Variants in ADGRL3 observed in about 807,000 individuals in gnomAD.
ADGRL3 encodes the protein calcium-independent alpha-latrotoxin receptor 3.
In ADGRL3, 62 loss-of-function variants were observed where a neutral mutation model predicts 153.5. That is an observed-to-expected ratio of 0.40 (90% CI 0.33 to 0.50). The LOEUF is 0.50. Among genes scored for constraint, ADGRL3 ranks in the 20% least tolerant of loss-of-function variants. The probability of loss-of-function intolerance (pLI) is 0.47; values close to 1 mark genes in which losing one functional copy is unlikely to be tolerated. For missense variants in ADGRL3, 1,641 were observed against 1,859.4 expected (o/e 0.88, Z 2.16); for synonymous variants, 710 against 672.5 (o/e 1.06, Z -0.86).
chr4:61,444,965 T>A (rs1425680544), intron 2 of ADGRL3, among the ~76,000 whole-genome samples: 1 of 151,828 alleles, frequency 6.6e-6, no homozygotes, highest in East Asian at 1.9e-4. Context: ...GGTGGAAGGA[T>A]CGCTTGAGCC....
At chr4:61,219,851 T>C (rs1744580204) in intron 1 of ADGRL3, among the ~76,000 whole-genome samples, 1 of 152,140 alleles carries the variant, frequency 6.6e-6, no homozygotes, top group South Asian at 2.1e-4. Context: ...CTCACGCCTG[T>C]AATCACAGCA....
intron 6 of ADGRL3, among the ~76,000 whole-genome samples, chr4:61,721,118 C>A (rs2096235479): frequency 6.6e-6 from 1 of 152,098 alleles, no homozygotes; most frequent in African/African-American, 2.4e-5. Context: ...GATTACAAAT[C>A]TTTCTTAGCA....
At chr4:61,608,505 A>G (rs2099041436) in intron 5 of ADGRL3, among the ~76,000 whole-genome samples, 1 of 152,208 alleles carries the variant, frequency 6.6e-6, no homozygotes, top group Non-Finnish European at 1.5e-5. Context: ...AAAAAAAAGC[A>G]ATTTGCAAAC....
chr4:61,986,012 C>T (rs2099084392), intron 19 of ADGRL3, among the ~76,000 whole-genome samples: 1 of 149,484 alleles, frequency 6.7e-6, no homozygotes, highest in Non-Finnish European at 1.5e-5. Context: ...TAAATAACAT[C>T]TTTGATATAT....
At chr4:61,428,840 T>C (rs1431343468) in intron 2 of ADGRL3, among the ~76,000 whole-genome samples, 1 of 113,832 alleles carries the variant, frequency 8.8e-6, no homozygotes, top group African/African-American at 3.4e-5. Context: ...TTTATCTATC[T>C]ATCTATCTAT....
At chr4:61,263,358 A>C (rs556069475) in intron 1 of ADGRL3, among the ~76,000 whole-genome samples, 5 of 151,780 alleles carry the variant, frequency 3.3e-5, no homozygotes, top group Admixed American at 6.6e-5. Context: ...ATATTAGGCT[A>C]TTCCTAATGG....
At chr4:62,021,155 A>C (rs2099236357) in intron 21 of ADGRL3, among the ~76,000 whole-genome samples, 1 of 152,126 alleles carries the variant, frequency 6.6e-6, no homozygotes, top group African/African-American at 2.4e-5. Context: ...GAAGGTCAAT[A>C]CACAACAGCA....
intron 2 of ADGRL3, among the ~76,000 whole-genome samples, chr4:61,479,648 T>A (rs1013210881): frequency 7.9e-5 from 12 of 152,146 alleles, no homozygotes; most frequent in Admixed American, 7.9e-4. Flanking sequence ...TAAGCCTTGA[T>A]TAAAGTTATT....
At chr4:61,377,956 A>T (rs2096624178) in intron 1 of ADGRL3, among the ~76,000 whole-genome samples, 1 of 151,968 alleles carries the variant, frequency 6.6e-6, no homozygotes. Context: ...GACCCTTGGG[A>T]TATATAGAAA....
At chr4:61,415,246 A>G (rs1167750529) in intron 2 of ADGRL3, among the ~76,000 whole-genome samples, 1 of 151,990 alleles carries the variant, frequency 6.6e-6, no homozygotes, top group Non-Finnish European at 1.5e-5. Flanking sequence ...TATTTATTAA[A>G]AGACATATAC....
intron 5 of ADGRL3, among the ~76,000 whole-genome samples, chr4:61,595,670 G>T (rs2098986082): frequency 6.6e-6 from 1 of 151,830 alleles, no homozygotes. Context: ...GTGCCAGGTG[G>T]TGTCTTCCTA....
intron 2 of ADGRL3, among the ~76,000 whole-genome samples, chr4:61,469,322 AATT>A (rs1476422793): frequency 6.6e-6 from 1 of 152,110 alleles, no homozygotes; most frequent in African/African-American, 2.4e-5. Context: ...TTCCCTAAAG[AATT>A]ATTATGAGTA....
chr4:61,217,570 T>A (rs1280966358), intron 1 of ADGRL3, among the ~76,000 whole-genome samples: 1 of 152,232 alleles, frequency 6.6e-6, no homozygotes, highest in Non-Finnish European at 1.5e-5. Context: ...ATCACTTGTC[T>A]AGCTTTAATA....
intron 1 of ADGRL3, among the ~76,000 whole-genome samples, chr4:61,286,318 TG>T (rs2093941426): frequency 6.6e-6 from 1 of 151,218 alleles, no homozygotes; most frequent in Non-Finnish European, 1.5e-5. Context: ...TTTTTTTTTT[TG>T]AAATTTTAGA....
At chr4:61,959,464 A>G (rs1201254184) in intron 17 of ADGRL3, among the ~76,000 whole-genome samples, 1 of 152,042 alleles carries the variant, frequency 6.6e-6, no homozygotes, top group African/African-American at 2.4e-5. Flanking sequence ...AAAGATTACT[A>G]TTATCACCCC....
Position 61,733,421 on chromosome 4 carries a change from T to G in ADGRL3, c.1266T>G (p.Asp422Glu). ...ACCAAAGCAAGGATAGTTTGGTGGATGTACCCTTTCCTAATTCATACCAGT... is the reference window on the plus strand; with the variant it reads ...ACCAAAGCAAGGATAGTTTGGTGGAGGTACCCTTTCCTAATTCATACCAGT... ...NTDQSKDSLV[D>E]VPFPNSYQYI... is the part of the protein sequence containing the mutation. Residue 422 changes from aspartate (D) to glutamate (E), a missense_variant, in exon 8 of 27, where the codon GAT (aspartate) becomes GAG (glutamate). Asp to Glu is a conservative substitution (Grantham distance 45). Around this residue, in one of 5 missense-constraint regions of ADGRL3, gnomAD observed 734 missense variants for 797.0 expected, o/e 0.92. Transcript: ENST00000683033. 1.9e-6 allele frequency: 3 copies of G among 1,613,772 alleles called. No individual in the cohort carries two copies. The highest frequency in any genetic ancestry group is 2.5e-6 in the Non-Finnish European group (3 of 1,179,816).
intron 8 of ADGRL3, among the ~76,000 whole-genome samples, chr4:61,799,864 T>C (rs1413773227): frequency 6.6e-6 from 1 of 151,842 alleles, no homozygotes; most frequent in African/African-American, 2.4e-5. Context: ...CCCTGCTTCT[T>C]ATATATGATT....
chr4:61,851,612 A>G (rs1029766225), intron 9 of ADGRL3, among the ~76,000 whole-genome samples: 3 of 151,698 alleles, frequency 2.0e-5, no homozygotes, highest in Admixed American at 6.6e-5. Context: ...AAAAAAAAAA[A>G]AAATTGAGGC....
intron 17 of ADGRL3, among the ~76,000 whole-genome samples, chr4:61,967,322 A>C (rs751866440): frequency 3.2e-4 from 48 of 152,148 alleles, no homozygotes; most frequent in Non-Finnish European, 6.2e-4. Flanking sequence ...ACCTTTATTT[A>C]ATAAAATAAC....
Sources: gnomAD v4.1 joint callset for allele counts (sites outside exome capture counted in the v4.1 genomes callset) on GRCh38, gnomAD v4.1.1 for gene constraint, gnomAD v4.1.1 regional missense constraint, MANE v1.5 for transcripts, NCBI Gene and HGNC (gene_info 2026-07-23, HGNC 2026-07-21) for gene names.